The following OPCML variants were observed in gnomAD, a reference collection of about 807,000 sequenced individuals.
OPCML encodes the protein opioid binding protein/cell adhesion molecule like.
OPCML carries 13 observed loss-of-function variants against 37.8 expected under a neutral mutation model. The observed-to-expected ratio is 0.34, with a 90% CI of 0.22 to 0.55. The LOEUF is 0.55. Among genes scored for constraint, OPCML ranks in the 20% least tolerant of loss-of-function variants. The pLI is 0.91. For missense variants in OPCML, 341 were observed against 435.6 expected (o/e 0.78, Z 1.93); for synonymous variants, 176 against 168.8 (o/e 1.04, Z -0.33).
intron 7 of OPCML, 114 bp downstream of exon 7, chr11:132,435,972 G>A (rs1219640070): frequency 3.1e-6 from 3 of 980,700 alleles, no homozygotes; most frequent in African/African-American, 1.6e-5. Context: ...TACAGGTGGT[G>A]GGTTGAGTAG....
chr11:132,964,357 A>G (rs892759559), intron 1 of OPCML, among the ~76,000 whole-genome samples: 2 of 152,182 alleles, frequency 1.3e-5, no homozygotes, highest in African/African-American at 2.4e-5. Context: ...TTAGCATGAC[A>G]TTATGGTAAG....
chr11:132,962,300 A>G (rs1231786489), intron 1 of OPCML, among the ~76,000 whole-genome samples: 1 of 152,148 alleles, frequency 6.6e-6, no homozygotes, highest in Non-Finnish European at 1.5e-5. Context: ...ATCTCAGCCA[A>G]TCCCGGCCCG....
At chr11:132,706,008 A>G (rs1029700918) in intron 2 of OPCML, among the ~76,000 whole-genome samples, 2 of 152,078 alleles carry the variant, frequency 1.3e-5, no homozygotes, top group African/African-American at 4.8e-5. Context: ...GGGTTTCACC[A>G]TGTTGGCCAG....
At chr11:132,699,753 T>C (rs1943736227) in intron 2 of OPCML, among the ~76,000 whole-genome samples, 1 of 152,106 alleles carries the variant, frequency 6.6e-6, no homozygotes, top group African/African-American at 2.4e-5. Context: ...TTGGCTAATA[T>C]TTTGTTAAGG....
At chr11:133,233,846 A>T (rs1940398629) in intron 1 of OPCML, among the ~76,000 whole-genome samples, 1 of 152,188 alleles carries the variant, frequency 6.6e-6, no homozygotes, top group Non-Finnish European at 1.5e-5. Flanking sequence ...AAGTAGAGGA[A>T]AGGTCTTTCC....
chr11:132,845,815 A>T (rs1479998713), intron 2 of OPCML, among the ~76,000 whole-genome samples: 5 of 151,648 alleles, frequency 3.3e-5, no homozygotes, highest in African/African-American at 9.7e-5. Flanking sequence ...CATTATTATT[A>T]TTTTTTTCTA....
At chr11:132,763,976 G>T (rs1170834265) in intron 2 of OPCML, among the ~76,000 whole-genome samples, 1 of 152,210 alleles carries the variant, frequency 6.6e-6, no homozygotes, top group Non-Finnish European at 1.5e-5. Context: ...GCCTTGCTTT[G>T]CCTGACGACT....
intron 1 of OPCML, among the ~76,000 whole-genome samples, chr11:133,250,058 C>G (rs1215900726): frequency 6.6e-6 from 1 of 152,222 alleles, no homozygotes; most frequent in African/African-American, 2.4e-5. Context: ...CCAAACTCAG[C>G]TTAAAGAATA....
intron 2 of OPCML, among the ~76,000 whole-genome samples, chr11:132,833,824 G>A (rs1940854719): frequency 1.3e-5 from 2 of 152,192 alleles, no homozygotes; most frequent in Admixed American, 1.3e-4. Context: ...TCGTTACGCA[G>A]CACTGTATTT....
In OPCML at chr11:133,370,348, A is replaced by C. The variant is rs1343676194; in HGVS notation, c.61+161916T>G. Among the ~76,000 whole-genome samples the C allele has an allele frequency of 2.0e-5, 3 of 152,188 alleles. No individual in the cohort carries two copies. The East Asian group carries it at 5.8e-4, about 29-fold the overall frequency. On this transcript the variant is annotated intron_variant, in intron 1 of 7. Coordinates refer to ENST00000524381, the MANE Select transcript of OPCML (RefSeq NM_001012393.5). ...ATCAAGCAGCCACCCAAAAACTCTT[A>C]GATCTGATAAATAAATTCAGTAAAG...
At chr11:133,373,446 T>TATATATATAC (rs1482064315) in intron 1 of OPCML, among the ~76,000 whole-genome samples, 2 of 133,262 alleles carry the variant, frequency 1.5e-5, no homozygotes, top group Non-Finnish European at 3.1e-5. Flanking sequence ...TATATATATA[T>TATATATATAC]ATACACACAC....
chr11:132,816,136 G>C (rs182505405), intron 2 of OPCML, among the ~76,000 whole-genome samples: 1 of 152,308 alleles, frequency 6.6e-6, no homozygotes, highest in Admixed American at 6.5e-5. Flanking sequence ...AGACTCAGAG[G>C]CTTTCTAAGC....
intron 1 of OPCML, among the ~76,000 whole-genome samples, chr11:133,522,838 T>C (rs1948420505): frequency 6.6e-6 from 1 of 152,156 alleles, no homozygotes; most frequent in Non-Finnish European, 1.5e-5. Flanking sequence ...CCCTTTTGAT[T>C]CCAAGGACCT....
At chr11:132,667,383 C>T (rs1197094580) in intron 2 of OPCML, among the ~76,000 whole-genome samples, 1 of 152,132 alleles carries the variant, frequency 6.6e-6, no homozygotes, top group Non-Finnish European at 1.5e-5. Context: ...ATGCTGAGGA[C>T]TTAATGAACT....
At chr11:133,342,584 C>CCCGTGCGGAGGTTGGGTGGAATATGTG (rs1943897880) in intron 1 of OPCML, among the ~76,000 whole-genome samples, 1 of 152,116 alleles carries the variant, frequency 6.6e-6, no homozygotes, top group Non-Finnish European at 1.5e-5. Flanking sequence ...TCCAGAGGGA[C>CCCGTGCGGAGGTTGGGTGGAATATGTG]CCGTGCGGAG....
intron 3 of OPCML, among the ~76,000 whole-genome samples, chr11:132,549,193 G>T (rs191381859): frequency 3.3e-5 from 5 of 152,276 alleles, no homozygotes; most frequent in Admixed American, 3.3e-4. Context: ...GTGACCTCTG[G>T]TCACCCTCAC....
At chr11:133,199,910 A>T (rs1156788657) in intron 1 of OPCML, among the ~76,000 whole-genome samples, 4 of 152,218 alleles carry the variant, frequency 2.6e-5, no homozygotes, top group African/African-American at 9.6e-5. Context: ...TAGATGCTCA[A>T]ATATGTTTAT....
rs554365422 is a variant in OPCML at position 132,448,331 on chromosome 11, G to A, written c.506-10972C>T. Among the ~76,000 whole-genome samples, 8 of 152,154 alleles carry A rather than the reference G, an allele frequency of 5.3e-5. No individual in the cohort carries two copies. The East Asian group carries it at 9.7e-4, about 18-fold the overall frequency. ...ATTCATCAATATTTTCAAAATACTT[G>A]TATTAGCTTGTAGGCAAAGTACCCA... On this transcript the variant is annotated intron_variant, in intron 4 of 7. Transcript: ENST00000524381.
At chr11:132,742,099 G>A (rs568410565) in intron 2 of OPCML, among the ~76,000 whole-genome samples, 1 of 152,198 alleles carries the variant, frequency 6.6e-6, no homozygotes, top group South Asian at 2.1e-4. Flanking sequence ...TTAGTAAATG[G>A]TGTGAGATAA....
Sources: gnomAD v4.1 joint callset for allele counts (sites outside exome capture counted in the v4.1 genomes callset) on GRCh38, gnomAD v4.1.1 for gene constraint, MANE v1.5 for transcripts, NCBI Gene and HGNC (gene_info 2026-07-23, HGNC 2026-07-21) for gene names.